The following DPP10 variants were observed in gnomAD, a reference collection of about 807,000 sequenced individuals.
DPP10 encodes the protein inactive dipeptidyl peptidase 10.
In DPP10, 33 loss-of-function variants were observed where a neutral mutation model predicts 120.9. That is an observed-to-expected ratio of 0.27 (90% confidence interval 0.21 to 0.37). DPP10 has a LOEUF of 0.37. Ranked by LOEUF, DPP10 falls within the 10% of genes least tolerant of loss-of-function variation. The probability of loss-of-function intolerance (pLI) is 1.00; values close to 1 mark genes in which losing one functional copy is unlikely to be tolerated. For missense variants in DPP10, 816 were observed against 942.8 expected, an observed-to-expected ratio of 0.87 and a Z score of 1.76; for synonymous variants, 337 against 326.1, an observed-to-expected ratio of 1.03 and a Z score of -0.36.
intron 1 of DPP10, among the ~76,000 whole-genome samples, chr2:114,599,717 G>A (rs1469570200): frequency 6.6e-6 from 1 of 151,700 alleles, no homozygotes; most frequent in Non-Finnish European, 1.5e-5. Flanking sequence ...AAGTTTCACT[G>A]TATAAGAAAT....
At position 115,121,484 on chromosome 2, in the gene DPP10, C is replaced by T. The variant is rs192243161; in HGVS notation, c.61-187755C>T. 1.3e-3 allele frequency among the ~76,000 whole-genome samples: 191 copies of T among 152,314 alleles called. 1 individual carries two copies. The highest frequency in any genetic ancestry group is 4.3e-3 in the African/African-American group (179 of 41,572). On this transcript the variant is annotated intron_variant, in intron 1 of 25. Coordinates refer to ENST00000410059, the MANE Select transcript of DPP10 (RefSeq NM_020868.6). ...TGTCTGATCTGGGAGCTAGCTGGAG[C>T]TGGAACCCCTTCAGTTTAAGGCCTT...
intron 7 of DPP10, among the ~76,000 whole-genome samples, chr2:115,710,603 T>C (rs1432854548): frequency 6.6e-6 from 1 of 152,106 alleles, no homozygotes; most frequent in Non-Finnish European, 1.5e-5. Flanking sequence ...ATTTTTTTTC[T>C]AACATTTGGA....
chr2:115,805,351 A>T (rs2149994999), intron 19 of DPP10, among the ~76,000 whole-genome samples: 1 of 152,206 alleles, frequency 6.6e-6, no homozygotes, highest in African/African-American at 2.4e-5. Flanking sequence ...TGACTAGGAA[A>T]GGGAATTCCC....
In DPP10 at chr2:115,352,720, A is replaced by G. The variant is rs2064116186; in HGVS notation, c.271+8808A>G. On this transcript the variant is annotated intron_variant, in intron 3 of 25. Coordinates refer to ENST00000410059, the MANE Select transcript of DPP10 (RefSeq NM_020868.6). ...AAATCTTTCCAGTTGTCTCAGGCTT[A>G]AAAGTAAAATTGTAATCAAAAGGCT... Among the ~76,000 whole-genome samples, 2 of 152,144 alleles carry G rather than the reference A, an allele frequency of 1.3e-5. 1 individual carries two copies. The highest frequency in any genetic ancestry group is 6.3e-3 in the Middle Eastern group (2 of 316).
At chr2:114,679,777 C>A (rs982049392) in intron 1 of DPP10, among the ~76,000 whole-genome samples, 3 of 151,954 alleles carry the variant, frequency 2.0e-5, no homozygotes, top group Admixed American at 6.6e-5. Context: ...TCACTGATTA[C>A]AAGAATGCTT....
intron 7 of DPP10, among the ~76,000 whole-genome samples, chr2:115,707,006 A>G (rs2092137198): frequency 2.0e-5 from 3 of 151,984 alleles, no homozygotes; most frequent in Admixed American, 6.6e-5. Context: ...TACAATTTTT[A>G]TGTTACATTA....
At chr2:115,188,529 A>G (rs2054633928) in intron 1 of DPP10, among the ~76,000 whole-genome samples, 7 of 152,216 alleles carry the variant, frequency 4.6e-5, no homozygotes, top group Admixed American at 1.3e-4. Flanking sequence ...CTCTCAAGAA[A>G]ATTCACAGAC....
At chr2:115,395,402 C>A (rs1295880076) in intron 3 of DPP10, among the ~76,000 whole-genome samples, 3 of 152,166 alleles carry the variant, frequency 2.0e-5, no homozygotes, top group African/African-American at 7.2e-5. Context: ...CATTTTGAGG[C>A]AGTAGGTTTA....
At chr2:115,272,016 GTTATATT>G (rs1272412403) in intron 1 of DPP10, among the ~76,000 whole-genome samples, 1 of 152,162 alleles carries the variant, frequency 6.6e-6, no homozygotes, top group Non-Finnish European at 1.5e-5. Context: ...TCAGCCATTA[GTTATATT>G]CACATTCTCT....
intron 3 of DPP10, among the ~76,000 whole-genome samples, chr2:115,486,563 C>A (rs1257426435): frequency 6.6e-6 from 1 of 151,972 alleles, no homozygotes; most frequent in Non-Finnish European, 1.5e-5. Flanking sequence ...CTTTCCTTTG[C>A]CTGGTGATTT....
chr2:114,997,454 T>C (rs1420690014), intron 1 of DPP10, among the ~76,000 whole-genome samples: 2 of 148,464 alleles, frequency 1.3e-5, no homozygotes, highest in Non-Finnish European at 3.0e-5. Flanking sequence ...ACTGTGCCAC[T>C]GCACTCCAAC....
At chr2:115,780,499 C>T (rs1308159058) in intron 15 of DPP10, among the ~76,000 whole-genome samples, 1 of 151,668 alleles carries the variant, frequency 6.6e-6, no homozygotes, top group African/African-American at 2.4e-5. Flanking sequence ...ATGTATTAAA[C>T]ATTGAATAAT....
intron 1 of DPP10, among the ~76,000 whole-genome samples, chr2:115,169,811 C>T (rs1205494882): frequency 1.3e-5 from 2 of 152,104 alleles, no homozygotes; most frequent in Non-Finnish European, 2.9e-5. Flanking sequence ...ATTCGTCATG[C>T]TTACTGGTTT....
intron 1 of DPP10, among the ~76,000 whole-genome samples, chr2:115,067,355 C>T (rs1207761905): frequency 6.6e-6 from 1 of 151,636 alleles, no homozygotes; most frequent in East Asian, 2.0e-4. Flanking sequence ...GGGTTCCCGC[C>T]ATTCTCCTGC....
chr2:114,868,524 A>G (rs1357066005), intron 1 of DPP10, among the ~76,000 whole-genome samples: 1 of 152,102 alleles, frequency 6.6e-6, no homozygotes, highest in African/African-American at 2.4e-5. Flanking sequence ...GTTTATCACA[A>G]CAGGAGTCAT....
At chr2:115,070,171 T>G (rs1054224195) in intron 1 of DPP10, among the ~76,000 whole-genome samples, 2 of 152,092 alleles carry the variant, frequency 1.3e-5, no homozygotes, top group Admixed American at 1.3e-4. Context: ...GAGCTAATAC[T>G]TCATGCAAAT....
At chr2:115,675,431 C>T (rs1409360997) in intron 5 of DPP10, among the ~76,000 whole-genome samples, 1 of 97,982 alleles carries the variant, frequency 1.0e-5, no homozygotes, top group Non-Finnish European at 2.2e-5. Flanking sequence ...AAAGAAGAAC[C>T]ATAACAGCAA....
At chr2:114,833,295 T>C (rs947771434) in intron 1 of DPP10, 1 of 147,486 alleles carries the variant, frequency 6.8e-6, no homozygotes, top group Non-Finnish European at 1.5e-5. Flanking sequence ...AAAAAAAAAC[T>C]AAATTGATCA....
At chr2:115,255,945 G>A (rs1218742938) in intron 1 of DPP10, among the ~76,000 whole-genome samples, 8 of 152,052 alleles carry the variant, frequency 5.3e-5, no homozygotes, top group South Asian at 4.1e-4. Flanking sequence ...CCTCCAAACC[G>A]TTTTGACCTT....
Sources: gnomAD v4.1 joint callset for allele counts (sites outside exome capture counted in the v4.1 genomes callset) on GRCh38, gnomAD v4.1.1 for gene constraint, MANE v1.5 for transcripts, NCBI Gene and HGNC (gene_info 2026-07-23, HGNC 2026-07-21) for gene names.